The following ZFAND6 variants were observed in gnomAD, a reference collection of about 807,000 sequenced individuals.
ZFAND6 encodes the protein zinc finger AN1-type containing 6, also known as AN1-type zinc finger protein 6.
ZFAND6 carries 12 observed loss-of-function variants against 24.5 expected under a neutral mutation model. The observed-to-expected ratio is 0.49, with a 90% confidence interval of 0.31 to 0.79. The LOEUF is 0.79. Among genes scored for constraint, ZFAND6 ranks in the 30% least tolerant of loss-of-function variants. ZFAND6 has a pLI of 0.04. For missense variants in ZFAND6, 207 were observed against 245.9 expected (o/e 0.84, Z 1.06); for synonymous variants, 92 against 81.5 (o/e 1.13, Z -0.69).
intron 1 of ZFAND6, among the ~76,000 whole-genome samples, chr15:80,090,004 A>G (rs1234642499): frequency 2.0e-5 from 3 of 152,146 alleles, no homozygotes; most frequent in Non-Finnish European, 2.9e-5. Context: ...TCCTTTCCCT[A>G]TAACGAAGCT....
chr15:80,058,965 A>T (rs1596155443), upstream of ZFAND6, among the ~76,000 whole-genome samples: 1 of 152,276 alleles, frequency 6.6e-6, no homozygotes, highest in African/African-American at 2.4e-5. Flanking sequence ...CCAGCGCAGC[A>T]GCCCAGCGTG....
At chr15:80,091,832 A>G (rs1025252274) in intron 1 of ZFAND6, among the ~76,000 whole-genome samples, 1 of 151,974 alleles carries the variant, frequency 6.6e-6, no homozygotes, top group East Asian at 1.9e-4. Flanking sequence ...TAGAGGCAGA[A>G]TCTTGCCGTA....
At chr15:80,064,235 GTC>G (rs1310719954) in intron 1 of ZFAND6, among the ~76,000 whole-genome samples, 1 of 152,104 alleles carries the variant, frequency 6.6e-6, no homozygotes, top group African/African-American at 2.4e-5. Flanking sequence ...ATTTCTTAAA[GTC>G]TTTTCATAAA....
rs188472438 is a variant in ZFAND6, at chr15:80,129,402, A to T, written c.365-1778A>T. ...TTTTGTCATCTTTTGTTAAAATATG[A>T]GATAATGATGGTAGCATAAGCAGGT... On this transcript the variant is annotated intron_variant, in intron 5 of 6. Transcript: ENST00000261749. Among the ~76,000 whole-genome samples the T allele has an allele frequency of 2.2e-3, 337 of 152,334 alleles. 1 individual carries two copies. Among genetic ancestry groups the T allele is most frequent in the African/African-American group, 7.7e-3 (320 of 41,588 alleles).
At chr15:80,110,933 G>A (rs2039575930) in intron 2 of ZFAND6, among the ~76,000 whole-genome samples, 1 of 152,184 alleles carries the variant, frequency 6.6e-6, no homozygotes, top group South Asian at 2.1e-4. Context: ...CTGGCCCTGG[G>A]ATGGGAGGGG....
At chr15:80,103,610 C>T (rs12591468) in intron 2 of ZFAND6, among the ~76,000 whole-genome samples, 12,986 of 152,132 alleles carry the variant, frequency 0.085, 629 homozygotes, top group East Asian at 0.19. Context: ...ATTTTTTAGC[C>T]ATCTGAGCCC....
At chr15:80,131,533 A>G (rs2040601957) in intron 6 of ZFAND6, 1 of 438,724 alleles carries the variant, frequency 2.3e-6, no homozygotes, top group South Asian at 6.9e-5. Flanking sequence ...TTAGACAAAT[A>G]AGGTTAGTGT....
intron 6 of ZFAND6, among the ~76,000 whole-genome samples, chr15:80,133,354 G>A (rs1049214044): frequency 1.3e-5 from 2 of 151,824 alleles, no homozygotes; most frequent in Admixed American, 6.6e-5. Flanking sequence ...CACCATGCCC[G>A]GCTAATTTTT....
At chr15:80,060,885 C>T (rs2141761748) in intron 1 of ZFAND6, 1 of 152,334 alleles carries the variant, frequency 6.6e-6, no homozygotes, top group South Asian at 2.1e-4. Flanking sequence ...CGCGCTACTG[C>T]ACTCCAGCCT....
chr15:80,102,478 C>T (rs1042216271), intron 2 of ZFAND6, among the ~76,000 whole-genome samples: 7 of 152,160 alleles, frequency 4.6e-5, no homozygotes, highest in Non-Finnish European at 7.3e-5. Flanking sequence ...GTATTGAAGT[C>T]TGTCAGTGAC....
intron 1 of ZFAND6, among the ~76,000 whole-genome samples, chr15:80,086,742 T>C (rs1219749179): frequency 6.6e-6 from 1 of 152,234 alleles, no homozygotes; most frequent in Non-Finnish European, 1.5e-5. Context: ...CATTGTTGTA[T>C]AACTATTACC....
At chr15:80,074,201 A>G (rs2037137895) in intron 1 of ZFAND6, among the ~76,000 whole-genome samples, 1 of 151,950 alleles carries the variant, frequency 6.6e-6, no homozygotes, top group African/African-American at 2.4e-5. Flanking sequence ...GTAGATGGAT[A>G]TAAAGCAATT....
intron 1 of ZFAND6, among the ~76,000 whole-genome samples, chr15:80,066,444 C>G (rs1197004363): frequency 1.3e-5 from 2 of 151,982 alleles, no homozygotes; most frequent in Non-Finnish European, 2.9e-5. Context: ...TCCTGAGTAG[C>G]TGAGATTACA....
rs549635362 is a variant in ZFAND6, at chr15:80,077,854, C to T, written c.-181+18045C>T. Among the ~76,000 whole-genome samples, 12 of 151,978 alleles carry T rather than the reference C, an allele frequency of 7.9e-5. No individual in the cohort carries two copies. The South Asian group carries it at 2.5e-3, about 32-fold the overall frequency. Reference sequence around the variant, plus strand: ...AGCTGGGACTACAGGTGTCTGCCACCACGCCCGGCTAATTTTTGTATTTTT... The same window carrying T: ...AGCTGGGACTACAGGTGTCTGCCACTACGCCCGGCTAATTTTTGTATTTTT... On this transcript the variant is annotated intron_variant, in intron 1 of 6. Transcript: ENST00000261749.
intron 2 of ZFAND6, chr15:80,112,945 G>A (rs2039684238): frequency 9.0e-6 from 4 of 442,788 alleles, no homozygotes; most frequent in Non-Finnish European, 1.8e-5. Context: ...TGATACAATT[G>A]CAAAGAGAAT....
At chr15:80,136,436 G>A (rs2040868302) in intron 6 of ZFAND6, among the ~76,000 whole-genome samples, 1 of 151,798 alleles carries the variant, frequency 6.6e-6, no homozygotes, top group African/African-American at 2.4e-5. Context: ...CTGCACTGCA[G>A]CCTGGTGACA....
At chr15:80,065,537 A>ATTTTTTTTTTTTTTTTTTTT (rs149756891) in intron 1 of ZFAND6, among the ~76,000 whole-genome samples, 3 of 76,506 alleles carry the variant, frequency 3.9e-5, no homozygotes, top group African/African-American at 5.3e-5. Context: ...TTTGGTTTTG[A>ATTTTTTTTTTTTTTTTTTTT]TTTTTTTTTT....
At chr15:80,128,805 T>C (rs535901989) in intron 5 of ZFAND6, among the ~76,000 whole-genome samples, 93 of 152,322 alleles carry the variant, frequency 6.1e-4, no homozygotes, top group African/African-American at 2.0e-3. Flanking sequence ...CCATTGGCCT[T>C]CTTTGGGGCT....
At chr15:80,118,789 C>G (rs78185870) in intron 2 of ZFAND6, among the ~76,000 whole-genome samples, 7 of 151,988 alleles carry the variant, frequency 4.6e-5, no homozygotes. Flanking sequence ...AGCTGCTAAG[C>G]CTGCATCATA....
Sources: allele counts gnomAD v4.1 joint callset (sites outside exome capture counted in the v4.1 genomes callset), GRCh38; gene constraint gnomAD v4.1.1; transcripts MANE v1.5; gene names NCBI Gene and HGNC (gene_info 2026-07-23, HGNC 2026-07-21).